PKHD1L1: variants seen among roughly 807,000 people sequenced by gnomAD.
PKHD1L1 encodes the protein fibrocystin-L.
Under a neutral mutation model 462.9 loss-of-function variants are expected in PKHD1L1, and 434 were observed. The observed-to-expected ratio is 0.94, with a 90% CI of 0.87 to 1.02. PKHD1L1 has a LOEUF of 1.02. PKHD1L1 is among the 50% of genes least tolerant of loss of function. The pLI, the probability that PKHD1L1 is intolerant of heterozygous loss-of-function variation, is 0.00. For missense variants in PKHD1L1, 5,202 were observed against 5,096.1 expected (o/e 1.02, Z -0.63); for synonymous variants, 1,781 against 1,750.0 (o/e 1.02, Z -0.44).
intron 3 of PKHD1L1, among the ~76,000 whole-genome samples, chr8:109,381,961 G>C (rs913633868): frequency 6.6e-6 from 1 of 152,042 alleles, no homozygotes; most frequent in Non-Finnish European, 1.5e-5. Context: ...AGCAACTTAG[G>C]AAAAATTTTA....
intron 2 of PKHD1L1, among the ~76,000 whole-genome samples, chr8:109,370,763 G>T (rs1437054228): frequency 1.3e-5 from 2 of 152,072 alleles, no homozygotes; most frequent in East Asian, 3.9e-4. Context: ...GTGGTGTTTG[G>T]TTTTTTGTCC....
chr8:109,504,928 C>T (rs942898141), intron 68 of PKHD1L1, among the ~76,000 whole-genome samples: 3 of 151,984 alleles, frequency 2.0e-5, no homozygotes, highest in African/African-American at 4.8e-5. Context: ...GGCTGGAGTG[C>T]GATGGTGCTA....
intron 53 of PKHD1L1, 141 bp from the exon 54 acceptor site, chr8:109,479,410 T>A (rs1182177922): frequency 1.7e-6 from 1 of 604,588 alleles, no homozygotes; most frequent in Non-Finnish European, 2.9e-6. Context: ...GTGTCAAGGG[T>A]CTTTAAAAGG....
chr8:109,481,376 G>C, intron 55 of PKHD1L1, 57 bp from the exon 56 acceptor site: 1 of 1,473,374 alleles, frequency 6.8e-7, no homozygotes, highest in South Asian at 1.4e-5. Flanking sequence ...TTTTTTATGG[G>C]TGGATTTTTT....
intron 73 of PKHD1L1, 98 bp from the exon 74 acceptor site, chr8:109,522,088 G>T: frequency 8.3e-7 from 1 of 1,211,794 alleles, no homozygotes. Context: ...TCTATAATGT[G>T]ATGGAGCAAT....
chr8:109,387,266 T>G (rs1384343302), intron 6 of PKHD1L1, among the ~76,000 whole-genome samples: 2 of 152,174 alleles, frequency 1.3e-5, no homozygotes, highest in Non-Finnish European at 2.9e-5. Context: ...GAGGGATTAG[T>G]GCTTACTAAG....
chr8:109,393,100 A>G (rs542668080), intron 9 of PKHD1L1, among the ~76,000 whole-genome samples: 3 of 152,230 alleles, frequency 2.0e-5, no homozygotes, highest in Non-Finnish European at 4.4e-5. Context: ...CGCTGGAGCT[A>G]GCATCGTTTC....
At chr8:109,369,820 G>A (rs1811407274) in intron 2 of PKHD1L1, among the ~76,000 whole-genome samples, 1 of 152,116 alleles carries the variant, frequency 6.6e-6, no homozygotes, top group Non-Finnish European at 1.5e-5. Context: ...TCTTTTCACA[G>A]TCCCATTTTA....
At chr8:109,441,938 AT>A in intron 34 of PKHD1L1, 68 bp from the exon 35 acceptor site, 4 of 1,338,338 alleles carry the variant, frequency 3.0e-6, no homozygotes, top group Non-Finnish European at 4.0e-6. Flanking sequence ...ATAAATTGCC[AT>A]GTTGTCAAAG....
At chr8:109,506,132 A>G (rs16879674) in intron 68 of PKHD1L1, among the ~76,000 whole-genome samples, 4,294 of 152,214 alleles carry the variant, frequency 0.028, 129 homozygotes, top group African/African-American at 0.073. Flanking sequence ...AGTCCTGAAG[A>G]AAATACCACG....
chr8:109,379,211 A>G (rs1811988918), intron 2 of PKHD1L1, among the ~76,000 whole-genome samples: 1 of 152,186 alleles, frequency 6.6e-6, no homozygotes, highest in Admixed American at 6.5e-5. Flanking sequence ...CAAGTTGATT[A>G]CAGCACTTTC....
intron 50 of PKHD1L1, among the ~76,000 whole-genome samples, chr8:109,467,124 T>C (rs570899925): frequency 6.6e-6 from 1 of 152,210 alleles, no homozygotes; most frequent in Non-Finnish European, 1.5e-5. Flanking sequence ...GGGGAGCATT[T>C]ACTAGGTTAA....
At chr8:109,522,708 C>A (rs1820611100) in intron 74 of PKHD1L1, 36 bp from the exon 75 acceptor site, 1 of 1,562,362 alleles carries the variant, frequency 6.4e-7, no homozygotes, top group Non-Finnish European at 8.6e-7. Flanking sequence ...TGTAGTTTAT[C>A]ATGAAGAAAC....
In PKHD1L1 at chr8:109,491,114, T is replaced by A; in HGVS notation, c.10114+13T>A. 1 of 1,601,720 alleles carries A rather than the reference T, an allele frequency of 6.2e-7. No homozygotes were observed. ...ACAGTGGGGGAAGGTAATATAATAA[T>A]ATTTTGGTTCAAATTACACATCCTG... On this transcript the variant is annotated intron_variant, in intron 61 of 77. Coordinates refer to ENST00000378402, the MANE Select transcript of PKHD1L1 (RefSeq NM_177531.6).
chr8:109,514,441 A>G (rs1433875694), intron 71 of PKHD1L1, among the ~76,000 whole-genome samples: 1 of 152,178 alleles, frequency 6.6e-6, no homozygotes, highest in Non-Finnish European at 1.5e-5. Context: ...TTAGAATACC[A>G]CATGGCTGAA....
At chr8:109,428,951 A>T (rs1424793116) in intron 25 of PKHD1L1, among the ~76,000 whole-genome samples, 1 of 152,220 alleles carries the variant, frequency 6.6e-6, no homozygotes, top group East Asian at 1.9e-4. Context: ...AGATAGAAAG[A>T]TGACTCAATT....
At chr8:109,455,293 A>G (rs1624114) in intron 45 of PKHD1L1, among the ~76,000 whole-genome samples, 90,778 of 152,114 alleles carry the variant, frequency 0.6, 27,849 homozygotes, top group African/African-American at 0.73. Context: ...AGCCAAGATC[A>G]CACCACTGCG....
At chr8:109,450,744 G>T (rs1007117877) in intron 40 of PKHD1L1, among the ~76,000 whole-genome samples, 1 of 152,220 alleles carries the variant, frequency 6.6e-6, no homozygotes, top group Admixed American at 6.5e-5. Context: ...TACAGGAAGA[G>T]TCTCCCCAGG....
intron 23 of PKHD1L1, among the ~76,000 whole-genome samples, chr8:109,424,829 G>A (rs1158308892): frequency 6.6e-6 from 1 of 152,168 alleles, no homozygotes. Flanking sequence ...GATGGAGGGT[G>A]CATTCTGAAT....
Sources: gnomAD v4.1 joint callset for allele counts (sites outside exome capture counted in the v4.1 genomes callset) on GRCh38, gnomAD v4.1.1 for gene constraint, MANE v1.5 for transcripts, NCBI Gene and HGNC (gene_info 2026-07-23, HGNC 2026-07-21) for gene names.